The following XKR7 variants were observed in gnomAD, a reference collection of about 807,000 sequenced individuals.
XKR7 encodes the protein XK related 7.
XKR7 carries 11 observed loss-of-function variants against 42.2 expected under a neutral mutation model. The ratio of observed to expected loss-of-function variants is 0.26; its 90% CI spans 0.16 to 0.43. XKR7 has a LOEUF of 0.43. Among genes scored for constraint, XKR7 ranks in the 20% least tolerant of loss-of-function variants. XKR7 has a pLI of 1.00. For missense variants in XKR7, 710 were observed against 802.2 expected, an observed-to-expected ratio of 0.89 and a Z score of 1.39; for synonymous variants, 346 against 366.4, an observed-to-expected ratio of 0.94 and a Z score of 0.64.
At chr20:31,971,742 C>T (rs1417740441) in intron 1 of XKR7, among the ~76,000 whole-genome samples, 1 of 152,132 alleles carries the variant, frequency 6.6e-6, no homozygotes, top group Non-Finnish European at 1.5e-5. Flanking sequence ...ACCTCTTAGA[C>T]TTGTAAAATC....
chr20:31,972,850 G>A (rs1056355363), intron 1 of XKR7, among the ~76,000 whole-genome samples: 4 of 152,298 alleles, frequency 2.6e-5, no homozygotes, highest in African/African-American at 9.6e-5. Flanking sequence ...AGAAGTTCTG[G>A]AATGAGTTAG....
rs1263986033 is a variant in XKR7 at position 31,986,087 on chromosome 20, A to C, written c.585-8981A>C. On this transcript the variant is annotated intron_variant, in intron 1 of 2. Transcript: ENST00000562532. Reference sequence around the variant, plus strand: ...AGACAGACAGACCACCAAGCAGACCAAGCATCCAAGACACAGACAGACCAC... The same window carrying C: ...AGACAGACAGACCACCAAGCAGACCCAGCATCCAAGACACAGACAGACCAC... Among the ~76,000 whole-genome samples, 162 of 131,008 alleles carry C rather than the reference A, an allele frequency of 1.2e-3. 1 individual carries two copies. The highest frequency in any genetic ancestry group is 1.1e-3 in the Admixed American group (14 of 13,092). The allele number at this position is 131,008 out of a possible 152,430, so 85.9% of individuals were successfully genotyped here. A position where few individuals can be genotyped will look rare whatever the true frequency, so the allele number is the denominator to read the frequency against.
intron 1 of XKR7, among the ~76,000 whole-genome samples, chr20:31,986,923 CACAG>C (rs199834471): frequency 0.032 from 4,697 of 147,940 alleles, 120 homozygotes; most frequent in Non-Finnish European, 0.047. Flanking sequence ...GCATCCAAGA[CACAG>C]ACAAACAGAC....
At chr20:31,974,309 A>T (rs993133907) in intron 1 of XKR7, among the ~76,000 whole-genome samples, 4 of 152,214 alleles carry the variant, frequency 2.6e-5, no homozygotes, top group Non-Finnish European at 5.9e-5. Context: ...ACTGGATCAA[A>T]CTGTAGCAAC....
At chr20:31,978,766 C>T (rs1208937140) in intron 1 of XKR7, among the ~76,000 whole-genome samples, 1 of 152,176 alleles carries the variant, frequency 6.6e-6, no homozygotes, top group Non-Finnish European at 1.5e-5. Flanking sequence ...TAGTTGCAGG[C>T]CCCACCCCAT....
At position 31,968,702 on chromosome 20, in the gene XKR7, T is replaced by A. The variant is rs747558297; in HGVS notation, c.527T>A (p.Leu176His). Reference sequence around the variant, plus strand: ...GCCTACCGCCGCCGCTGCTGCCGCCTCTGCATCTGGCTGCTGCAGACCCTC... The same window carrying A: ...GCCTACCGCCGCCGCTGCTGCCGCCACTGCATCTGGCTGCTGCAGACCCTC... ...ASAYRRRCCR[L>H]CIWLLQTLVH... Residue 176 changes from leucine to histidine, a missense_variant, in exon 1 of 3, where the codon CTC (leucine) becomes CAC (histidine). By Grantham distance (99) the Leu-to-His change is moderately conservative (BLOSUM62 -3). Transcript: ENST00000562532. The surrounding 1 kb of genome is among the most constrained non-coding windows in gnomAD (Gnocchi z 4.5). 1.1e-5 allele frequency: 17 copies of A among 1,566,802 alleles called. No homozygotes were observed. In the South Asian group the frequency reaches 2.0e-4, roughly 18 times the overall value.
At chr20:31,987,221 G>A (rs954468164) in intron 1 of XKR7, among the ~76,000 whole-genome samples, 4 of 138,522 alleles carry the variant, frequency 2.9e-5, no homozygotes, top group Non-Finnish European at 6.0e-5. Flanking sequence ...AGACCTCCAA[G>A]AGGACCCAGT....
Position 31,996,958 on chromosome 20 carries a change from C to G in XKR7, c.1241C>G (p.Ser414Trp). ...CGCAACTTCTCAACCGACTTCTACTCGCTCATCATGGTCTGCGTAGTGGCC... is the reference window on the plus strand; with the variant it reads ...CGCAACTTCTCAACCGACTTCTACTGGCTCATCATGGTCTGCGTAGTGGCC... ...SSRNFSTDFY[S>W]LIMVCVVASS... The change falls in exon 3 of 3, where the codon TCG (serine) becomes TGG (tryptophan). Residue 414 changes from serine to tryptophan, a missense_variant. Coordinates refer to ENST00000562532, the MANE Select transcript of XKR7 (RefSeq NM_001011718.2). The G allele has an allele frequency of 6.2e-7, 1 of 1,614,142 alleles. No individual in the cohort carries two copies. The highest frequency in any genetic ancestry group is 8.5e-7 in the Non-Finnish European group (1 of 1,180,044).
intron 1 of XKR7, among the ~76,000 whole-genome samples, chr20:31,982,083 T>C (rs561059694): frequency 4.6e-5 from 7 of 152,336 alleles, no homozygotes; most frequent in African/African-American, 1.7e-4. Context: ...TGGAACATGC[T>C]TGTTGTTACA....
At chr20:31,987,298 C>T (rs2064546770) in intron 1 of XKR7, among the ~76,000 whole-genome samples, 1 of 147,114 alleles carries the variant, frequency 6.8e-6, no homozygotes. Flanking sequence ...ACAGACAGAC[C>T]ACCAAACAGA....
rs147437006 is a variant in XKR7 at position 31,997,168 on chromosome 20, G to C, written c.1451G>C (p.Arg484Pro). ...RSLPRTTGAE[R>P]DGASAGERAG... ...CTGCCAAGGACTACAGGTGCTGAGCGGGATGGGGCCTCGGCGGGAGAGCGT... is the reference window on the plus strand; with the variant it reads ...CTGCCAAGGACTACAGGTGCTGAGCCGGATGGGGCCTCGGCGGGAGAGCGT... Residue 484 changes from arginine to proline, a missense_variant, in exon 3 of 3, where the codon CGG (arginine) becomes CCG (proline). By Grantham distance (103) the Arg-to-Pro change is moderately radical (BLOSUM62 -2). Transcript: ENST00000562532. 3.2e-5 allele frequency: 51 copies of C among 1,610,998 alleles called. 3 individuals carry two copies. The South Asian group carries it at 4.9e-4, about 16-fold the overall frequency.
rs1279929429 is a variant in XKR7, at chr20:31,996,733, T to C, written c.1016T>C (p.Met339Thr). ...GIFIVAHWCVMTFWVIQGETD... is the reference protein window; with the variant it reads ...GIFIVAHWCVTTFWVIQGETD... ...TTCATCGTGGCCCACTGGTGCGTCA[T>C]GACCTTCTGGGTCATCCAAGGGGAG... The change falls in exon 3 of 3, where the codon ATG becomes ACG. Residue 339 changes from methionine to threonine, a missense_variant. Met to Thr is a moderately conservative substitution (Grantham distance 81). Transcript: ENST00000562532. The C allele has an allele frequency of 1.2e-6, 2 of 1,613,892 alleles. No homozygotes were observed. Among genetic ancestry groups the C allele is most frequent in the Non-Finnish European group, 1.7e-6 (2 of 1,179,978 alleles).
chr20:31,977,163 C>G (rs1230043639), intron 1 of XKR7, among the ~76,000 whole-genome samples: 5 of 152,174 alleles, frequency 3.3e-5, no homozygotes, highest in Non-Finnish European at 5.9e-5. Flanking sequence ...GGGTTGGGTT[C>G]CCAGAATGAT....
chr20:31,975,815 T>C (rs891501194), intron 1 of XKR7, among the ~76,000 whole-genome samples: 2 of 152,214 alleles, frequency 1.3e-5, no homozygotes, highest in Non-Finnish European at 2.9e-5. Context: ...AAAAAATGCA[T>C]GTATAGATTT....
At chr20:31,978,980 C>CA (rs1180439532) in intron 1 of XKR7, among the ~76,000 whole-genome samples, 230 of 151,896 alleles carry the variant, frequency 1.5e-3, no homozygotes, top group African/African-American at 5.2e-3. Flanking sequence ...ACTAAAAATA[C>CA]AAAAATTAGC....
chr20:31,974,183 A>G (rs995022731), intron 1 of XKR7, among the ~76,000 whole-genome samples: 1 of 151,802 alleles, frequency 6.6e-6, no homozygotes, highest in South Asian at 2.1e-4. Flanking sequence ...ACAGAGCAAG[A>G]CTCCATCTCA....
At chr20:31,990,179 C>CAT (rs141462509) in intron 1 of XKR7, among the ~76,000 whole-genome samples, 3 of 144,148 alleles carry the variant, frequency 2.1e-5, no homozygotes, top group African/African-American at 7.8e-5. Flanking sequence ...AAATTCATTG[C>CAT]GTGTGTGTGT....
At position 31,968,257 on chromosome 20, in the gene XKR7, G is replaced by C; in HGVS notation, c.82G>C (p.Gly28Arg). The C allele has an allele frequency of 1.7e-5, 19 of 1,134,868 alleles. No individual in the cohort carries two copies. Among genetic ancestry groups the C allele is most frequent in the Non-Finnish European group, 2.1e-5 (19 of 926,804 alleles). The allele number at this position is 1,134,868 out of a possible 1,614,324, so 70.3% of individuals were successfully genotyped here. Residue 28 changes from glycine (G) to arginine (R), a missense_variant, in exon 1 of 3, where the codon GGC (glycine) becomes CGC (arginine). Transcript: ENST00000562532. This position sits in a 1 kb window ranked among gnomAD's most constrained non-coding sequence, Gnocchi z 4.5. ...TGCCGGTGGAGCCCGGGGCAGTGCC[G>C]GCGGGCGCGGGGAGGCGGCGGCGGC... ...GAAGGARGSA[G>R]GRGEAAAAAG...
intron 1 of XKR7, among the ~76,000 whole-genome samples, chr20:31,987,399 C>T: frequency 1.4e-5 from 2 of 147,562 alleles, no homozygotes; most frequent in Non-Finnish European, 3.0e-5. Context: ...GTATCCAAGG[C>T]ACAGACAGAC....
Sources: allele counts gnomAD v4.1 joint callset (sites outside exome capture counted in the v4.1 genomes callset), GRCh38; gene constraint gnomAD v4.1.1; non-coding constraint Gnocchi (gnomAD v3.1); transcripts MANE v1.5; gene names NCBI Gene and HGNC (gene_info 2026-07-23, HGNC 2026-07-21).